Variants in ROBO2 observed in about 807,000 individuals in gnomAD.
The protein encoded by ROBO2 is roundabout guidance receptor 2.
A neutral mutation model predicts 160.8 loss-of-function variants in ROBO2; 53 were observed. That is an observed-to-expected ratio of 0.33 (90% confidence interval 0.26 to 0.41). The LOEUF (loss-of-function observed/expected upper bound fraction) is 0.41, where lower values mean the gene tolerates loss of function less well. Ranked by LOEUF, ROBO2 falls within the 10% of genes least tolerant of loss-of-function variation. The pLI is 1.00. For synonymous variants in ROBO2, 664 were observed against 611.7 expected, an observed-to-expected ratio of 1.09 and a Z score of -1.26; for missense variants, 1,577 against 1,722.4, an observed-to-expected ratio of 0.92 and a Z score of 1.49.
At chr3:76,088,652 A>C (rs1472337890) in intron 2 of ROBO2, among the ~76,000 whole-genome samples, 1 of 152,106 alleles carries the variant, frequency 6.6e-6, no homozygotes, top group Non-Finnish European at 1.5e-5. Context: ...GAGAAATTAA[A>C]AATATATTTT....
chr3:76,790,850 C>G (rs1183002155), intron 2 of ROBO2, among the ~76,000 whole-genome samples: 1 of 151,628 alleles, frequency 6.6e-6, no homozygotes, highest in East Asian at 1.9e-4. Context: ...ACAAATAGAT[C>G]TGGGTTCTTT....
chr3:77,428,603 G>T (rs370426487), intron 2 of ROBO2, among the ~76,000 whole-genome samples: 1 of 151,500 alleles, frequency 6.6e-6, no homozygotes, highest in Non-Finnish European at 1.5e-5. Flanking sequence ...TGATCCACCC[G>T]CCTCGGCCTC....
chr3:76,380,255 AG>A (rs770269714), intron 2 of ROBO2, among the ~76,000 whole-genome samples: 1 of 152,198 alleles, frequency 6.6e-6, no homozygotes. Flanking sequence ...GGCTATAGAA[AG>A]ATTTGGCACA....
chr3:77,601,815 A>G (rs976140774), intron 19 of ROBO2, among the ~76,000 whole-genome samples: 3 of 152,214 alleles, frequency 2.0e-5, no homozygotes, highest in African/African-American at 4.8e-5. Flanking sequence ...CTCTTGGGAT[A>G]AAGTGGAAAG....
At chr3:76,038,997 G>T (rs565957268) in intron 2 of ROBO2, among the ~76,000 whole-genome samples, 1 of 151,878 alleles carries the variant, frequency 6.6e-6, no homozygotes, top group Non-Finnish European at 1.5e-5. Flanking sequence ...ACTTAGGATT[G>T]GTAATGTTGA....
intron 2 of ROBO2, among the ~76,000 whole-genome samples, chr3:76,163,406 T>TGAAATTA (rs1271493464): frequency 4.0e-5 from 6 of 151,328 alleles, no homozygotes; most frequent in Non-Finnish European, 8.8e-5. Flanking sequence ...AAAATGTTAT[T>TGAAATTA]ATAACGTGGT....
chr3:77,525,644 ATTTGC>A (rs1353368108), intron 6 of ROBO2, among the ~76,000 whole-genome samples: 1 of 151,242 alleles, frequency 6.6e-6, no homozygotes, highest in Non-Finnish European at 1.5e-5. Context: ...TAATTTTTTA[ATTTGC>A]TTTGCATAAA....
chr3:76,313,166 T>C (rs774628807), intron 2 of ROBO2, among the ~76,000 whole-genome samples: 12 of 152,386 alleles, frequency 7.9e-5, no homozygotes, highest in Non-Finnish European at 1.6e-4. Context: ...TGAAAAACTT[T>C]AAACGTGTTG....
intron 2 of ROBO2, among the ~76,000 whole-genome samples, chr3:76,972,627 G>T (rs572671881): frequency 1.3e-5 from 2 of 152,024 alleles, no homozygotes; most frequent in Non-Finnish European, 2.9e-5. Flanking sequence ...GGAAGCCGAG[G>T]TGGAGGACTG....
At chr3:77,214,282 A>G (rs2084612632) in intron 2 of ROBO2, among the ~76,000 whole-genome samples, 1 of 152,102 alleles carries the variant, frequency 6.6e-6, no homozygotes, top group African/African-American at 2.4e-5. Context: ...GTGCATATAT[A>G]TTTAGGACAG....
chr3:77,147,318 C>T (rs759421144), intron 2 of ROBO2, among the ~76,000 whole-genome samples: 14 of 152,036 alleles, frequency 9.2e-5, no homozygotes, highest in Non-Finnish European at 1.9e-4. Context: ...AAAAAGGGAG[C>T]ACTGGTGCCC....
chr3:77,126,488 T>C (rs1055169023), intron 2 of ROBO2, among the ~76,000 whole-genome samples: 2 of 152,102 alleles, frequency 1.3e-5, no homozygotes, highest in Non-Finnish European at 2.9e-5. Flanking sequence ...TTAGTTCATA[T>C]TTTTAGTTGT....
At chr3:77,344,708 A>G (rs778171069) in intron 2 of ROBO2, among the ~76,000 whole-genome samples, 3 of 152,162 alleles carry the variant, frequency 2.0e-5, no homozygotes, top group Non-Finnish European at 4.4e-5. Flanking sequence ...AAGATAAAAA[A>G]TAGTAAGATC....
In ROBO2 at chr3:77,493,394, A is replaced by T; in HGVS notation, c.806+12A>T. 6.2e-7 allele frequency: 1 copy of T among 1,613,782 alleles called. No homozygotes were observed. Among genetic ancestry groups the T allele is most frequent in the Non-Finnish European group, 8.5e-7 (1 of 1,179,718 alleles). On this transcript the variant is annotated intron_variant, in intron 5 of 25. Transcript: ENST00000461745. ...TTGCCAAGAGGAAGGTAAGACCAAC[A>T]TATGGATGGAAGATTGTTAGATAAC...
Position 76,214,440 on chromosome 3 carries a change from C to T in ROBO2, c.109+276838C>T, listed in dbSNP as rs1000688954. ...AAAGAAAGGGGTGACAGATGGCACC[C>T]GGAAAATCTGGTCACTCCCACCCTA... On this transcript the variant is annotated intron_variant, in intron 2 of 26. Coordinates refer to the ROBO2 transcript ENST00000487694. Among the ~76,000 whole-genome samples, 6 of 152,226 alleles carry T rather than the reference C, an allele frequency of 3.9e-5. No individual in the cohort carries two copies. The East Asian group carries it at 5.8e-4, about 15-fold the overall frequency.
At chr3:77,564,377 T>C in intron 11 of ROBO2, 4 of 447,720 alleles carry the variant, frequency 8.9e-6, no homozygotes, top group South Asian at 6.4e-5. Flanking sequence ...CACAATACTG[T>C]ATAATGTACA....
intron 2 of ROBO2, among the ~76,000 whole-genome samples, chr3:76,522,380 T>C (rs1335041134): frequency 4.1e-5 from 6 of 145,290 alleles, no homozygotes; most frequent in African/African-American, 1.7e-4. Context: ...CCCATGTGTC[T>C]GTCTGTCACT....
rs141377988 is a variant in ROBO2, at chr3:76,550,999, G to A, written c.110-547015G>A. 2.8e-3 allele frequency among the ~76,000 whole-genome samples: 419 copies of A among 152,150 alleles called. 2 individuals carry two copies. The highest frequency in any genetic ancestry group is 0.024 in the Middle Eastern group (7 of 294). ...CTGGGCGGAAAGTGTTGGGTCCCTA[G>A]TGAAACTCCACCTTCTAGGCAGGGA... On this transcript the variant is annotated intron_variant, in intron 2 of 26. Coordinates refer to the ROBO2 transcript ENST00000487694.
intron 14 of ROBO2, among the ~76,000 whole-genome samples, chr3:77,575,197 A>G (rs2093730684): frequency 6.6e-6 from 1 of 152,088 alleles, no homozygotes; most frequent in African/African-American, 2.4e-5. Flanking sequence ...TATTTGCAGT[A>G]GCTTTCTTCT....
Sources: allele counts gnomAD v4.1 joint callset (sites outside exome capture counted in the v4.1 genomes callset), GRCh38; gene constraint gnomAD v4.1.1; transcripts MANE v1.5; gene names NCBI Gene and HGNC (gene_info 2026-07-23, HGNC 2026-07-21).